ZEB1: variants seen among roughly 807,000 people sequenced by gnomAD.
The protein encoded by ZEB1 is zinc finger E-box-binding homeobox 1.
In ZEB1, 21 loss-of-function variants were observed where a neutral mutation model predicts 84.9. The observed-to-expected ratio is 0.25, with a 90% CI of 0.18 to 0.36. The LOEUF is 0.36. Among genes scored for constraint, ZEB1 ranks in the 10% least tolerant of loss-of-function variants. ZEB1 has a pLI of 1.00. For synonymous variants in ZEB1, 420 were observed against 471.1 expected (o/e 0.89, Z 1.41); for missense variants, 1,104 against 1,330.2 (o/e 0.83, Z 2.65).
chr10:31,448,711 C>G (rs910151076), intron 1 of ZEB1, among the ~76,000 whole-genome samples: 2 of 152,134 alleles, frequency 1.3e-5, no homozygotes, highest in African/African-American at 2.4e-5. Context: ...GGGTGCCTCC[C>G]AGTTAGGCTG....
chr10:31,426,748 C>G (rs753750716), intron 1 of ZEB1, among the ~76,000 whole-genome samples: 1 of 152,142 alleles, frequency 6.6e-6, no homozygotes, highest in Non-Finnish European at 1.5e-5. Context: ...AAACAAACAC[C>G]TCTCATAGGT....
intron 3 of ZEB1, 38 bp from the exon 4 acceptor site, chr10:31,502,310 G>T: frequency 6.2e-7 from 1 of 1,605,600 alleles, no homozygotes; most frequent in East Asian, 2.2e-5. Context: ...ATAACTTAGT[G>T]GTGAGATTGC....
At chr10:31,421,351 G>A (rs2056135496) in intron 1 of ZEB1, among the ~76,000 whole-genome samples, 1 of 151,988 alleles carries the variant, frequency 6.6e-6, no homozygotes, top group South Asian at 2.1e-4. Context: ...ACAACCATGT[G>A]GTATTAATCT....
chr10:31,345,805 G>A (rs1204180355), intron 1 of ZEB1, among the ~76,000 whole-genome samples: 33 of 152,142 alleles, frequency 2.2e-4, no homozygotes, highest in Non-Finnish European at 2.9e-5. Flanking sequence ...ACTTTTCTGT[G>A]CAGATTGTCA....
intron 1 of ZEB1, chr10:31,360,930 G>C: frequency 6.4e-7 from 1 of 1,565,604 alleles, no homozygotes; most frequent in Non-Finnish European, 8.7e-7. Context: ...CTAATAAATT[G>C]CATGTCTGGA....
rs139254187 is a variant in ZEB1 at position 31,332,943 on chromosome 10, A to G, written c.58+13651A>G. Among the ~76,000 whole-genome samples, 265 of 152,302 alleles carry G rather than the reference A, an allele frequency of 1.7e-3. 3 individuals carry two copies. The highest frequency in any genetic ancestry group is 0.014 in the Middle Eastern group (4 of 294). The stretch of plus-strand genomic sequence containing the variant: ...CATTAGTATTTGTTTATACTTTACT[A>G]TACCTTGTTTACATGCTTAACCTGC... On this transcript the variant is annotated intron_variant, in intron 1 of 8. Transcript: ENST00000424869.
intron 1 of ZEB1, among the ~76,000 whole-genome samples, chr10:31,382,426 C>A (rs776938677): frequency 6.6e-6 from 1 of 152,052 alleles, no homozygotes; most frequent in East Asian, 1.9e-4. Flanking sequence ...TACTGGAGCA[C>A]TATGAGGAAT....
At chr10:31,517,764 A>G (rs997380788) in intron 6 of ZEB1, among the ~76,000 whole-genome samples, 2 of 152,154 alleles carry the variant, frequency 1.3e-5, no homozygotes, top group Non-Finnish European at 2.9e-5. Flanking sequence ...TAACAATAAT[A>G]ATGATAACTA....
chr10:31,336,920 T>C (rs961932466), intron 1 of ZEB1, among the ~76,000 whole-genome samples: 1 of 152,212 alleles, frequency 6.6e-6, no homozygotes, highest in African/African-American at 2.4e-5. Flanking sequence ...AATTTCACAT[T>C]ATTAAAGTTG....
rs1387786622 is a variant in ZEB1, at chr10:31,452,742, T to TGTGAGA, written c.59-8294_59-8293insTGAGAG. Among the ~76,000 whole-genome samples the TGTGAGA allele has an allele frequency of 3.2e-3, 291 of 90,784 alleles. 1 individual carries two copies. Among genetic ancestry groups the TGTGAGA allele is most frequent in the Middle Eastern group, 0.012 (2 of 164 alleles). 59.6% of individuals were successfully genotyped at this position (90,784 alleles called of 152,430 possible). On this transcript the variant is annotated intron_variant, in intron 1 of 8. Coordinates refer to ENST00000424869, the MANE Select transcript of ZEB1 (RefSeq NM_001174096.2). ...GTGTGTGTGTGTGTGTGTGTGTGTGTGAGAGAGAGAGAGAGAGAGAGAGAG... is the reference window on the plus strand; with the variant it reads ...GTGTGTGTGTGTGTGTGTGTGTGTGTGTGAGAGAGAGAGAGAGAGAGAGAGAGAGAG...
chr10:31,483,452 A>G (rs1280017773), intron 2 of ZEB1, among the ~76,000 whole-genome samples: 1 of 152,042 alleles, frequency 6.6e-6, no homozygotes, highest in Non-Finnish European at 1.5e-5. Context: ...AGAAAAATAC[A>G]TATACATTAA....
intron 1 of ZEB1, among the ~76,000 whole-genome samples, chr10:31,429,284 G>A (rs1044071411): frequency 2.6e-5 from 4 of 152,148 alleles, no homozygotes; most frequent in African/African-American, 9.7e-5. Context: ...GCATTTGCTT[G>A]TCTGAAAAGG....
chr10:31,451,904 A>G (rs1057478275), intron 1 of ZEB1, among the ~76,000 whole-genome samples: 9 of 152,170 alleles, frequency 5.9e-5, no homozygotes, highest in Non-Finnish European at 1.0e-4. Flanking sequence ...AGTAACTTTC[A>G]TGTAATGAGA....
At chr10:31,453,086 CT>C (rs1238294680) in intron 1 of ZEB1, among the ~76,000 whole-genome samples, 1 of 152,060 alleles carries the variant, frequency 6.6e-6, no homozygotes, top group Non-Finnish European at 1.5e-5. Flanking sequence ...GAAAGATTTT[CT>C]CTTTCTTTTC....
chr10:31,370,586 A>C (rs115126434), intron 1 of ZEB1, among the ~76,000 whole-genome samples: 1,850 of 152,336 alleles, frequency 0.012, 38 homozygotes, highest in African/African-American at 0.042. Context: ...TAAGTTAATC[A>C]TACAACTTTC....
chr10:31,395,273 T>A (rs382487), intron 1 of ZEB1, among the ~76,000 whole-genome samples: 9,625 of 152,268 alleles, frequency 0.063, 381 homozygotes, highest in African/African-American at 0.11. Context: ...GATACTCTTT[T>A]CCTAAATGTG....
chr10:31,344,296 G>T (rs2039908834), intron 1 of ZEB1, among the ~76,000 whole-genome samples: 1 of 151,880 alleles, frequency 6.6e-6, no homozygotes, highest in Non-Finnish European at 1.5e-5. Context: ...ATATGTTCAT[G>T]GATATATGTA....
Position 31,340,873 on chromosome 10 carries a change from A to C in ZEB1, c.58+21581A>C, listed in dbSNP as rs554917719. ...CATTGAAATGAGAGGGCCCAGGGGAATAGGAAGAGAGGAATAGCCTAAAGG... is the reference window on the plus strand; with the variant it reads ...CATTGAAATGAGAGGGCCCAGGGGACTAGGAAGAGAGGAATAGCCTAAAGG... On this transcript the variant is annotated intron_variant, in intron 1 of 8. Transcript: ENST00000424869. Among the ~76,000 whole-genome samples, 107 of 152,180 alleles carry C rather than the reference A, an allele frequency of 7.0e-4. 1 individual carries two copies. The highest frequency in any genetic ancestry group is 2.5e-3 in the African/African-American group (104 of 41,530).
chr10:31,346,293 G>A (rs1247822611), intron 1 of ZEB1, among the ~76,000 whole-genome samples: 2 of 151,974 alleles, frequency 1.3e-5, no homozygotes, highest in African/African-American at 4.8e-5. Flanking sequence ...GCTACTTCAG[G>A]GTTATTTTAA....
Sources: gnomAD v4.1 joint callset for allele counts (sites outside exome capture counted in the v4.1 genomes callset) on GRCh38, gnomAD v4.1.1 for gene constraint, MANE v1.5 for transcripts, NCBI Gene and HGNC (gene_info 2026-07-23, HGNC 2026-07-21) for gene names.